Variants in STK38 observed in about 807,000 individuals in gnomAD.
STK38 encodes the protein serine/threonine kinase 38.
Under a neutral mutation model 59.0 loss-of-function variants are expected in STK38, and 26 were observed. The ratio of observed to expected loss-of-function variants is 0.44; its 90% CI spans 0.32 to 0.61. The LOEUF (loss-of-function observed/expected upper bound fraction) is 0.61. Among genes scored for constraint, STK38 ranks in the 20% least tolerant of loss-of-function variants. The pLI is 0.04. For missense variants in STK38, 433 were observed against 566.0 expected (o/e 0.76, Z 2.38); for synonymous variants, 175 against 176.6 (o/e 0.99, Z 0.07).
rs529886414 is a variant in STK38 at position 36,532,671 on chromosome 6, G to A, written c.132-7029C>T. The stretch of plus-strand genomic sequence containing the variant: ...TCACACACTCTGGGAAGCTGAGGCG[G>A]GCAGATCACCTCAGGTCAGGAATTC... On this transcript the variant is annotated intron_variant, in intron 2 of 13. Transcript: ENST00000229812. Among the ~76,000 whole-genome samples the A allele has an allele frequency of 2.1e-3, 322 of 152,110 alleles. 1 individual carries two copies. Among genetic ancestry groups the A allele is most frequent in the Admixed American group, 5.8e-3 (89 of 15,258 alleles).
intron 2 of STK38, among the ~76,000 whole-genome samples, chr6:36,529,894 G>T (rs1038397963): frequency 1.3e-5 from 2 of 152,108 alleles, no homozygotes; most frequent in African/African-American, 4.8e-5. Context: ...CACCCTAATT[G>T]AAAACAGACA....
rs1305914729 is a variant in STK38 at position 36,494,543 on chromosome 6, G to A, written c.*1241C>T. The stretch of plus-strand genomic sequence containing the variant: ...GGCACTTTGTGCTAAAATTCAGAGG[G>A]TCTCTCAAGAGAGAACGCCACAGCA... On this transcript the variant is annotated 3_prime_UTR_variant, in exon 14 of 14. Coordinates refer to ENST00000229812, the MANE Select transcript of STK38 (RefSeq NM_007271.4). 6 of 152,674 alleles carry A rather than the reference G, an allele frequency of 3.9e-5. No individual in the cohort carries two copies. Among genetic ancestry groups the A allele is most frequent in the Non-Finnish European group, 8.8e-5 (6 of 68,050 alleles). The allele number at this position is 152,674 out of a possible 1,614,324, so 9.5% of individuals were successfully genotyped here.
intron 2 of STK38, among the ~76,000 whole-genome samples, chr6:36,537,569 A>G (rs1409276345): frequency 6.6e-6 from 1 of 152,226 alleles, no homozygotes; most frequent in Non-Finnish European, 1.5e-5. Flanking sequence ...AAAAAGGAAC[A>G]AATTATTGAT....
intron 1 of STK38, among the ~76,000 whole-genome samples, chr6:36,546,566 G>A (rs35071464): frequency 0.017 from 2,559 of 152,264 alleles, 35 homozygotes; most frequent in Non-Finnish European, 0.025. Context: ...GAGAGATCTG[G>A]TCTCTCTGCC....
At chr6:36,521,581 T>C (rs1777376033) in intron 5 of STK38, among the ~76,000 whole-genome samples, 153 bp downstream of exon 5, 1 of 152,128 alleles carries the variant, frequency 6.6e-6, no homozygotes, top group Admixed American at 6.5e-5. Flanking sequence ...AACTGCTTCT[T>C]TGTAGGGGGA....
intron 2 of STK38, among the ~76,000 whole-genome samples, chr6:36,527,982 G>A (rs570996440): frequency 1.3e-5 from 2 of 151,568 alleles, no homozygotes; most frequent in African/African-American, 4.9e-5. Flanking sequence ...AGTGGCCGGC[G>A]CCTGTAGTCC....
chr6:36,514,854 A>G (rs1447229961), intron 7 of STK38, among the ~76,000 whole-genome samples: 1 of 151,228 alleles, frequency 6.6e-6, no homozygotes, highest in Non-Finnish European at 1.5e-5. Context: ...ATCTCAAAAA[A>G]AAAAAAAAAA....
At chr6:36,522,465 C>A (rs376972111) in intron 4 of STK38, 18 of 152,360 alleles carry the variant, frequency 1.2e-4, no homozygotes, top group African/African-American at 4.1e-4. Flanking sequence ...ACAGCCACTG[C>A]ACTCCAGCCT....
At position 36,502,822 on chromosome 6, in the gene STK38, T is replaced by C. The variant is rs1437933787; in HGVS notation, c.835-2832A>G. On this transcript the variant is annotated intron_variant, in intron 9 of 13. Transcript: ENST00000229812. ...GAATTTTGCCATCTATCTCTCTAAATGAGATCTTAGTTTTATTTTTGAGCT... is the reference window on the plus strand; with the variant it reads ...GAATTTTGCCATCTATCTCTCTAAACGAGATCTTAGTTTTATTTTTGAGCT... Among the ~76,000 whole-genome samples, 6 of 152,272 alleles carry C rather than the reference T, an allele frequency of 3.9e-5. No individual in the cohort carries two copies. In the South Asian group the frequency reaches 6.2e-4, roughly 16 times the overall value.
chr6:36,513,975 G>C (rs1220135979), intron 7 of STK38, among the ~76,000 whole-genome samples: 2 of 150,700 alleles, frequency 1.3e-5, no homozygotes, highest in Non-Finnish European at 2.9e-5. Context: ...CTAACACCGT[G>C]AAACCCCGTC....
At chr6:36,519,101 T>C (rs555018119) in intron 5 of STK38, among the ~76,000 whole-genome samples, 10 of 152,334 alleles carry the variant, frequency 6.6e-5, no homozygotes, top group African/African-American at 2.4e-4. Flanking sequence ...CAGAGGCATT[T>C]GACTTTATGT....
At chr6:36,500,260 C>T (rs1776804372) in intron 9 of STK38, among the ~76,000 whole-genome samples, 1 of 152,040 alleles carries the variant, frequency 6.6e-6, no homozygotes, top group Admixed American at 6.6e-5. Context: ...ATTTACTGAG[C>T]ACCCATTAAG....
At position 36,547,471 on chromosome 6, in the gene STK38, A is replaced by G. The variant is rs1423308007; in HGVS notation, c.-287T>C. Reference sequence around the variant, plus strand: ...GCTGGCGCGGCAGCCCGGGGCCGAGACTACGCATGCGCGACTTCCCGGAGC... The same window carrying G: ...GCTGGCGCGGCAGCCCGGGGCCGAGGCTACGCATGCGCGACTTCCCGGAGC... On this transcript the variant is annotated 5_prime_UTR_variant, in exon 1 of 14. Transcript: ENST00000229812. The G allele has an allele frequency of 6.6e-6, 1 of 152,154 alleles. No individual in the cohort carries two copies. The highest frequency in any genetic ancestry group is 2.4e-5 in the African/African-American group (1 of 41,436). The allele number at this position is 152,154 out of a possible 1,614,324, so 9.4% of individuals were successfully genotyped here. A position where few individuals can be genotyped will look rare whatever the true frequency, so the allele number is the denominator to read the frequency against.
At chr6:36,541,569 A>G (rs1050224974) in intron 1 of STK38, among the ~76,000 whole-genome samples, 1 of 152,224 alleles carries the variant, frequency 6.6e-6, no homozygotes, top group Non-Finnish European at 1.5e-5. Context: ...ATTCAGTATG[A>G]AAAAGCCCTT....
chr6:36,527,277 T>C (rs1777550143), intron 2 of STK38, among the ~76,000 whole-genome samples: 1 of 147,130 alleles, frequency 6.8e-6, no homozygotes, highest in African/African-American at 2.5e-5. Context: ...TACACATGTA[T>C]ACATATATAC....
chr6:36,500,038 C>T (rs778730186), intron 9 of STK38, 48 bp from the exon 10 acceptor site: 8 of 1,445,154 alleles, frequency 5.5e-6, no homozygotes, highest in Non-Finnish European at 7.8e-6. Context: ...GCAGGAGGTG[C>T]CCAGAGTTCT....
At chr6:36,506,104 A>G (rs1048685552) in intron 9 of STK38, among the ~76,000 whole-genome samples, 7 of 152,186 alleles carry the variant, frequency 4.6e-5, no homozygotes, top group African/African-American at 9.7e-5. Context: ...TCCAATCTTT[A>G]TAAGTAAGTT....
In STK38 at chr6:36,521,754, C is replaced by A. The variant is rs927200794; in HGVS notation, c.370G>T (p.Asp124Tyr). ...TTTACCTGCTCTTTTTCAAGCATAT[C>A]TGCTTTACGGAGTATTTTCATTGCA... ...VYAMKILRKA[D>Y]MLEKEQVGHI... Residue 124 changes from aspartate (D) to tyrosine (Y), a missense_variant, in exon 5 of 14, where the codon GAT (aspartate) becomes TAT (tyrosine). Coordinates refer to ENST00000229812, the MANE Select transcript of STK38 (RefSeq NM_007271.4). 4 of 1,610,652 alleles carry A rather than the reference C, an allele frequency of 2.5e-6. No homozygotes were observed. Among genetic ancestry groups the A allele is most frequent in the Non-Finnish European group, 2.5e-6 (3 of 1,179,120 alleles).
chr6:36,505,214 G>A (rs1441450564), intron 9 of STK38, among the ~76,000 whole-genome samples: 1 of 152,102 alleles, frequency 6.6e-6, no homozygotes, highest in Non-Finnish European at 1.5e-5. Flanking sequence ...TGCAACCAAG[G>A]TTAAAAACTA....
Sources: allele counts gnomAD v4.1 joint callset (sites outside exome capture counted in the v4.1 genomes callset), GRCh38; gene constraint gnomAD v4.1.1; transcripts MANE v1.5; gene names NCBI Gene and HGNC (gene_info 2026-07-23, HGNC 2026-07-21).